The following PPM1E variants were observed in gnomAD, a reference collection of about 807,000 sequenced individuals.
The protein encoded by PPM1E is protein phosphatase, Mg2+/Mn2+ dependent 1E.
A neutral mutation model predicts 65.9 loss-of-function variants in PPM1E; 20 were observed. The ratio of observed to expected loss-of-function variants is 0.30; its 90% confidence interval spans 0.21 to 0.44. The LOEUF is 0.44. PPM1E is among the 20% of genes least tolerant of loss of function. PPM1E has a pLI of 1.00. For synonymous variants in PPM1E, 352 were observed against 374.9 expected (o/e 0.94, Z 0.70); for missense variants, 713 against 953.1 (o/e 0.75, Z 3.32).
chr17:58,805,978 A>AC (rs2050307053), intron 1 of PPM1E, among the ~76,000 whole-genome samples: 1 of 109,140 alleles, frequency 9.2e-6, no homozygotes, highest in Non-Finnish European at 1.8e-5. Flanking sequence ...AAAAAACAAA[A>AC]AAAAAACAAA....
intron 6 of PPM1E, among the ~76,000 whole-genome samples, chr17:58,976,971 A>C (rs2031038665): frequency 6.6e-6 from 1 of 152,188 alleles, no homozygotes; most frequent in Non-Finnish European, 1.5e-5. Context: ...AGGACACTGA[A>C]TCCCATATTG....
At chr17:58,787,905 T>TAAA (rs1284840531) in intron 1 of PPM1E, among the ~76,000 whole-genome samples, 1 of 114,402 alleles carries the variant, frequency 8.7e-6, no homozygotes, top group Non-Finnish European at 1.8e-5. Flanking sequence ...AGACTCTGTC[T>TAAA]AAAAAAAAAA....
chr17:58,924,101 G>A (rs2143544818), intron 1 of PPM1E, among the ~76,000 whole-genome samples: 1 of 151,568 alleles, frequency 6.6e-6, no homozygotes, highest in East Asian at 2.0e-4. Flanking sequence ...GTATTTTTTA[G>A]TAGAGACAGG....
intron 1 of PPM1E, among the ~76,000 whole-genome samples, chr17:58,775,249 A>C (rs780199397): frequency 3.9e-5 from 6 of 152,160 alleles, no homozygotes; most frequent in Non-Finnish European, 7.3e-5. Flanking sequence ...ACATTAATTC[A>C]TTTAATCCTC....
intron 1 of PPM1E, among the ~76,000 whole-genome samples, chr17:58,814,255 G>T (rs1354838084): frequency 6.6e-6 from 1 of 151,766 alleles, no homozygotes; most frequent in Non-Finnish European, 1.5e-5. Flanking sequence ...CTTTTTGGAG[G>T]AACTGGTAAA....
chr17:58,870,750 G>C (rs758050470), intron 1 of PPM1E, among the ~76,000 whole-genome samples: 17 of 152,302 alleles, frequency 1.1e-4, no homozygotes, highest in Non-Finnish European at 2.2e-4. Context: ...TTTACATGAA[G>C]ATGTGCCGTA....
intron 1 of PPM1E, among the ~76,000 whole-genome samples, chr17:58,839,896 T>C (rs1454051509): frequency 6.6e-6 from 1 of 152,156 alleles, no homozygotes; most frequent in African/African-American, 2.4e-5. Context: ...GTATACATAC[T>C]ATAAAGTTTA....
chr17:58,824,435 G>A (rs1188143374), intron 1 of PPM1E, among the ~76,000 whole-genome samples: 1 of 152,100 alleles, frequency 6.6e-6, no homozygotes, highest in Non-Finnish European at 1.5e-5. Context: ...GCTTATATCA[G>A]TGAAGATAGA....
chr17:58,895,064 C>A (rs1260626544), intron 1 of PPM1E, among the ~76,000 whole-genome samples: 1 of 152,072 alleles, frequency 6.6e-6, no homozygotes, highest in Non-Finnish European at 1.5e-5. Context: ...TTGCAATATC[C>A]CAAACTTCTT....
At chr17:58,921,104 T>C (rs1417800298) in intron 1 of PPM1E, among the ~76,000 whole-genome samples, 2 of 152,222 alleles carry the variant, frequency 1.3e-5, no homozygotes, top group African/African-American at 4.8e-5. Flanking sequence ...ATTGTGACTT[T>C]AATAAGAGCA....
intron 1 of PPM1E, among the ~76,000 whole-genome samples, chr17:58,831,964 C>A (rs2050610439): frequency 6.6e-6 from 1 of 152,174 alleles, no homozygotes; most frequent in South Asian, 2.1e-4. Flanking sequence ...CTGTGATAGG[C>A]ACTGTGTTCC....
At chr17:58,771,581 C>T (rs1453376095) in intron 1 of PPM1E, among the ~76,000 whole-genome samples, 2 of 150,610 alleles carry the variant, frequency 1.3e-5, no homozygotes, top group Non-Finnish European at 2.9e-5. Context: ...CCAGTTCGCG[C>T]CACTGCACTC....
At chr17:58,816,310 CA>C (rs1434465560) in intron 1 of PPM1E, among the ~76,000 whole-genome samples, 3 of 152,056 alleles carry the variant, frequency 2.0e-5, no homozygotes, top group African/African-American at 7.2e-5. Context: ...AGGTGTGAGC[CA>C]CTACACCCAG....
chr17:58,807,615 T>C (rs1429098389), intron 1 of PPM1E, among the ~76,000 whole-genome samples: 1 of 151,924 alleles, frequency 6.6e-6, no homozygotes, highest in Non-Finnish European at 1.5e-5. Flanking sequence ...AAAGGCAATG[T>C]AAAAAAATAC....
intron 6 of PPM1E, among the ~76,000 whole-genome samples, chr17:58,976,515 T>A (rs2143781215): frequency 6.6e-6 from 1 of 152,208 alleles, no homozygotes; most frequent in Admixed American, 6.5e-5. Flanking sequence ...AGGAAAGAAA[T>A]GATACTTATA....
intron 1 of PPM1E, among the ~76,000 whole-genome samples, chr17:58,866,310 A>G (rs1461626534): frequency 2.0e-5 from 3 of 152,228 alleles, no homozygotes; most frequent in Non-Finnish European, 4.4e-5. Flanking sequence ...ATTCCCTCAA[A>G]TCAAGGAGCT....
At chr17:58,974,381 A>T (rs1207744836) in intron 6 of PPM1E, among the ~76,000 whole-genome samples, 2 of 152,184 alleles carry the variant, frequency 1.3e-5, no homozygotes. Context: ...CTGGAGTTTC[A>T]AAGAACCCTA....
chr17:58,823,835 A>G (rs1475331608), intron 1 of PPM1E, among the ~76,000 whole-genome samples: 1 of 151,972 alleles, frequency 6.6e-6, no homozygotes, highest in African/African-American at 2.4e-5. Flanking sequence ...GGTTCACACC[A>G]TTCTCCTGCC....
At chr17:58,815,801 G>T (rs2050409138) in intron 1 of PPM1E, among the ~76,000 whole-genome samples, 1 of 151,946 alleles carries the variant, frequency 6.6e-6, no homozygotes, top group Non-Finnish European at 1.5e-5. Context: ...ACATAATTCT[G>T]TTTTCCCACT....
Sources: allele counts gnomAD v4.1 joint callset (sites outside exome capture counted in the v4.1 genomes callset), GRCh38; gene constraint gnomAD v4.1.1; transcripts MANE v1.5; gene names NCBI Gene and HGNC (gene_info 2026-07-23, HGNC 2026-07-21).